PEBP4: variants seen among roughly 807,000 people sequenced by gnomAD.
PEBP4 encodes phosphatidylethanolamine-binding protein 4.
Under a neutral mutation model 23.9 loss-of-function variants are expected in PEBP4, and 22 were observed. The observed-to-expected ratio is 0.92, with a 90% confidence interval of 0.66 to 1.31. The LOEUF (loss-of-function observed/expected upper bound fraction) is 1.31. PEBP4 is among the 40% of genes most tolerant of loss of function. PEBP4 has a pLI of 0.00. For missense variants in PEBP4, 324 were observed against 281.7 expected (o/e 1.15, Z -1.07); for synonymous variants, 112 against 99.3 (o/e 1.13, Z -0.76).
chr8:22,910,794 A>G (rs190214136), intron 3 of PEBP4, among the ~76,000 whole-genome samples: 19 of 152,378 alleles, frequency 1.2e-4, no homozygotes, highest in East Asian at 5.8e-4. Flanking sequence ...AGTGGTTGCC[A>G]GAGGTTAGAG....
chr8:22,776,128 G>A (rs926490971), intron 4 of PEBP4, among the ~76,000 whole-genome samples: 1 of 152,174 alleles, frequency 6.6e-6, no homozygotes, highest in Non-Finnish European at 1.5e-5. Flanking sequence ...TACTTAGAAA[G>A]CCTCGTGAGG....
intron 3 of PEBP4, among the ~76,000 whole-genome samples, chr8:22,844,358 G>C (rs913770337): frequency 4.6e-5 from 7 of 152,312 alleles, no homozygotes; most frequent in Admixed American, 4.6e-4. Context: ...TCCTGCCTCA[G>C]CCTCCTGAGT....
intron 3 of PEBP4, among the ~76,000 whole-genome samples, chr8:22,863,790 T>A (rs772387068): frequency 6.6e-6 from 1 of 152,208 alleles, no homozygotes; most frequent in Non-Finnish European, 1.5e-5. Flanking sequence ...GATACCTGGC[T>A]GAAGGACTAG....
chr8:22,856,541 AC>A (rs1807654485), intron 3 of PEBP4, among the ~76,000 whole-genome samples: 1 of 152,144 alleles, frequency 6.6e-6, no homozygotes, highest in African/African-American at 2.4e-5. Flanking sequence ...ACATGGCGAA[AC>A]CCCGTCTCTA....
intron 3 of PEBP4, among the ~76,000 whole-genome samples, chr8:22,842,783 T>G (rs933930067): frequency 2.6e-5 from 4 of 152,190 alleles, no homozygotes; most frequent in African/African-American, 9.7e-5. Flanking sequence ...GCTCTGCTGT[T>G]GCCATCTGGA....
rs548972013 is a variant in PEBP4 at position 22,765,263 on chromosome 8, C to A, written c.358-38043G>T. Among the ~76,000 whole-genome samples the A allele has an allele frequency of 4.6e-5, 7 of 152,238 alleles. No individual in the cohort carries two copies. In the South Asian group the frequency reaches 1.5e-3, roughly 32 times the overall value. On this transcript the variant is annotated intron_variant, in intron 4 of 6. Coordinates refer to ENST00000256404, the MANE Select transcript of PEBP4 (RefSeq NM_144962.3). ...TGTTCAAGCGATTCTCCTGCCTCAGCCTCATGAGTAGCTGAGACTACAGGT... is the reference window on the plus strand; with the variant it reads ...TGTTCAAGCGATTCTCCTGCCTCAGACTCATGAGTAGCTGAGACTACAGGT...
At chr8:22,890,839 T>C (rs1436683325) in intron 3 of PEBP4, among the ~76,000 whole-genome samples, 1 of 152,210 alleles carries the variant, frequency 6.6e-6, no homozygotes, top group Non-Finnish European at 1.5e-5. Context: ...TTTTCTTTTT[T>C]TTATTTGAGA....
intron 2 of PEBP4, among the ~76,000 whole-genome samples, chr8:22,921,140 G>C (rs140432952): frequency 1.2e-3 from 180 of 152,352 alleles, no homozygotes; most frequent in African/African-American, 4.0e-3. Flanking sequence ...TGACACTCAG[G>C]AACACAGGTA....
intron 4 of PEBP4, among the ~76,000 whole-genome samples, chr8:22,737,294 CAAAAAAAAAAAAA>C (rs11302571): frequency 3.1e-5 from 2 of 65,506 alleles, no homozygotes; most frequent in African/African-American, 1.1e-4. Flanking sequence ...GACTCCGTCT[CAAAAAAAAAAAAA>C]AAAAAAAAGC....
At chr8:22,824,269 GA>G (rs34367097) in intron 3 of PEBP4, among the ~76,000 whole-genome samples, 14 of 150,976 alleles carry the variant, frequency 9.3e-5, no homozygotes, top group Non-Finnish European at 1.3e-4. Flanking sequence ...TGCACTCAAG[GA>G]AAAAAAAAGT....
At chr8:22,792,814 G>T (rs1806166210) in intron 4 of PEBP4, among the ~76,000 whole-genome samples, 1 of 138,248 alleles carries the variant, frequency 7.2e-6, no homozygotes, top group African/African-American at 2.9e-5. Flanking sequence ...TGTGTACAGG[G>T]TGCCATGGGG....
intron 3 of PEBP4, among the ~76,000 whole-genome samples, chr8:22,834,481 G>T (rs1807158406): frequency 6.6e-6 from 1 of 152,240 alleles, no homozygotes; most frequent in Non-Finnish European, 1.5e-5. Flanking sequence ...CCTCCACCCA[G>T]GAGCTGGGGT....
At chr8:22,844,242 T>G (rs1251641285) in intron 3 of PEBP4, among the ~76,000 whole-genome samples, 2 of 152,130 alleles carry the variant, frequency 1.3e-5, no homozygotes, top group African/African-American at 4.8e-5. Flanking sequence ...GAAAATTTAT[T>G]TATTTATTTA....
chr8:22,798,050 G>A (rs1003728779), intron 4 of PEBP4, among the ~76,000 whole-genome samples: 2 of 152,188 alleles, frequency 1.3e-5, no homozygotes, highest in Non-Finnish European at 2.9e-5. Flanking sequence ...CACAGACTGA[G>A]TGCTAAGAGG....
At chr8:22,917,331 G>A (rs558508342) in intron 3 of PEBP4, among the ~76,000 whole-genome samples, 7 of 152,140 alleles carry the variant, frequency 4.6e-5, no homozygotes, top group Non-Finnish European at 7.4e-5. Flanking sequence ...GACCCAGGTA[G>A]CACTTGCTCC....
At chr8:22,792,368 G>A (rs146195845) in intron 4 of PEBP4, among the ~76,000 whole-genome samples, 137 of 152,212 alleles carry the variant, frequency 9.0e-4, no homozygotes, top group African/African-American at 2.8e-3. Flanking sequence ...AACACTTCCC[G>A]GTGCTTCTAA....
chr8:22,920,336 C>T (rs1464931855), intron 2 of PEBP4, 26 bp from the exon 3 acceptor site: 5 of 1,599,798 alleles, frequency 3.1e-6, no homozygotes, highest in Non-Finnish European at 4.3e-6. Context: ...GGAGGTTGCC[C>T]TGTGTCAGGG....
rs367742946 is a variant in PEBP4 at position 22,920,450 on chromosome 8, C to T, written c.132-140G>A. The stretch of plus-strand genomic sequence containing the variant: ...ACCTGCCACTAACTAGTTGTGTGAC[C>T]GAAGAGTTACTTGACCTCCTTGTGC... On this transcript the variant is annotated intron_variant, in intron 2 of 6. Coordinates refer to ENST00000256404, the MANE Select transcript of PEBP4 (RefSeq NM_144962.3). 4.4e-5 allele frequency: 44 copies of T among 1,006,914 alleles called. 1 individual carries two copies. In the African/African-American group the frequency reaches 5.8e-4, roughly 13 times the overall value. The allele number at this position is 1,006,914 out of a possible 1,614,324, so 62.4% of individuals were successfully genotyped here. A position where few individuals can be genotyped will look rare whatever the true frequency, so the allele number is the denominator to read the frequency against.
chr8:22,775,650 G>A lies in PEBP4; in HGVS notation c.357+41987C>T, dbSNP rs1031722160. Among the ~76,000 whole-genome samples the A allele has an allele frequency of 2.0e-5, 3 of 152,130 alleles. No individual in the cohort carries two copies. The highest frequency in any genetic ancestry group is 6.5e-5 in the Admixed American group (1 of 15,282). Reference sequence around the variant, plus strand: ...AGGGTTTGCTGGGAAGGAGGGGGACGGAGGCAGCGTCTCTGCGGCATACCA... The same window carrying A: ...AGGGTTTGCTGGGAAGGAGGGGGACAGAGGCAGCGTCTCTGCGGCATACCA... On this transcript the variant is annotated intron_variant, in intron 4 of 6. Coordinates refer to ENST00000256404, the MANE Select transcript of PEBP4 (RefSeq NM_144962.3). The surrounding 1 kb of genome is among the most constrained non-coding windows in gnomAD (Gnocchi z 4.8).
Sources: allele counts gnomAD v4.1 joint callset (sites outside exome capture counted in the v4.1 genomes callset), GRCh38; gene constraint gnomAD v4.1.1; non-coding constraint Gnocchi (gnomAD v3.1); transcripts MANE v1.5; gene names NCBI Gene and HGNC (gene_info 2026-07-23, HGNC 2026-07-21).